SLC22A15: variants seen among roughly 807,000 people sequenced by gnomAD.
The protein encoded by SLC22A15 is flipt 1.
Under a neutral mutation model 62.7 loss-of-function variants are expected in SLC22A15, and 45 were observed. That is an observed-to-expected ratio of 0.72 (90% CI 0.56 to 0.92). The LOEUF (loss-of-function observed/expected upper bound fraction) is 0.92. Among genes scored for constraint, SLC22A15 ranks in the 40% least tolerant of loss-of-function variants. The pLI, the probability that SLC22A15 is intolerant of heterozygous loss-of-function variation, is 0.00. For missense variants in SLC22A15, 622 were observed against 665.6 expected (o/e 0.93, Z 0.72); for synonymous variants, 264 against 267.0 (o/e 0.99, Z 0.11).
At chr1:116,001,505 G>T (rs7520967) in intron 2 of SLC22A15, among the ~76,000 whole-genome samples, 34,363 of 151,864 alleles carry the variant, frequency 0.23, 4,460 homozygotes, top group East Asian at 0.48. Flanking sequence ...GATCCTGTAG[G>T]CATGCTTTAT....
At chr1:115,987,500 C>A (rs1654930877) in intron 1 of SLC22A15, among the ~76,000 whole-genome samples, 1 of 152,086 alleles carries the variant, frequency 6.6e-6, no homozygotes, top group African/African-American at 2.4e-5. Context: ...TTTAGAGGCA[C>A]CAGTTACTCC....
At chr1:116,053,404 T>C (rs1303976373) in intron 8 of SLC22A15, among the ~76,000 whole-genome samples, 1 of 152,016 alleles carries the variant, frequency 6.6e-6, no homozygotes, top group Non-Finnish European at 1.5e-5. Context: ...TGGGACTATG[T>C]GAAAAAACCA....
Position 115,976,576 on chromosome 1 carries a change from G to A in SLC22A15, c.-52G>A. The A allele has an allele frequency of 7.1e-7, 1 of 1,409,904 alleles. No individual in the cohort carries two copies. Among genetic ancestry groups the A allele is most frequent in the Admixed American group, 1.9e-5 (1 of 52,656 alleles). 87.3% of individuals were successfully genotyped at this position (1,409,904 alleles called of 1,614,324 possible). A position where few individuals can be genotyped will look rare whatever the true frequency, so the allele number is the denominator to read the frequency against. The stretch of plus-strand genomic sequence containing the variant: ...CAGGGGTTGCCGCGCTGGGCGGGAG[G>A]GCAGCGCCTGAGAGGGCGGTGGGGT... On this transcript the variant is annotated 5_prime_UTR_variant, in exon 1 of 12. Transcript: ENST00000369503.
chr1:116,007,766 TAAG>T (rs1318966278), intron 2 of SLC22A15, among the ~76,000 whole-genome samples: 1 of 152,226 alleles, frequency 6.6e-6, no homozygotes, highest in African/African-American at 2.4e-5. Context: ...ATACACCTAA[TAAG>T]CTGCTAGTCT....
At chr1:116,057,215 A>C (rs992803271) in intron 8 of SLC22A15, among the ~76,000 whole-genome samples, 36 of 152,002 alleles carry the variant, frequency 2.4e-4, no homozygotes, top group African/African-American at 8.7e-4. Flanking sequence ...TACAAGAAAA[A>C]AACAAACAAC....
rs1658121195 is a variant in SLC22A15, at chr1:116,053,675, A to G, written c.1172-9087A>G. Among the ~76,000 whole-genome samples the G allele has an allele frequency of 2.0e-5, 3 of 152,244 alleles. No homozygotes were observed. The South Asian group carries it at 6.2e-4, about 31-fold the overall frequency. On this transcript the variant is annotated intron_variant, in intron 8 of 11. Coordinates refer to ENST00000369503, the MANE Select transcript of SLC22A15 (RefSeq NM_018420.3). ...GAGAGAAAGGTTGGGTTACCCACAA[A>G]GGGAAGCCCATCAGACTAACAGCGG...
chr1:116,064,517 G>C lies in SLC22A15; in HGVS notation c.1365+9G>C, dbSNP rs755576597. On this transcript the variant is annotated intron_variant, in intron 10 of 11. Transcript: ENST00000369503. ...CCTTCATCCCCTCACTGGTTGGTTTGTACCTTCTAGTTTTGTTTTTCTTGA... is the reference window on the plus strand; with the variant it reads ...CCTTCATCCCCTCACTGGTTGGTTTCTACCTTCTAGTTTTGTTTTTCTTGA... 26 of 1,594,634 alleles carry C rather than the reference G, an allele frequency of 1.6e-5. 1 individual carries two copies. The Admixed American group carries it at 3.2e-4, about 19-fold the overall frequency.
intron 2 of SLC22A15, among the ~76,000 whole-genome samples, chr1:116,014,605 G>A (rs1243711327): frequency 1.3e-5 from 2 of 152,156 alleles, no homozygotes; most frequent in Non-Finnish European, 2.9e-5. Flanking sequence ...TCAATTTGAA[G>A]TACCTTAACA....
At chr1:116,066,750 C>A (rs1405001708) in intron 11 of SLC22A15, 42 bp downstream of exon 11, 2 of 1,523,316 alleles carry the variant, frequency 1.3e-6, no homozygotes, top group African/African-American at 1.4e-5. Context: ...TGGATAGTGG[C>A]AGTTAATGAA....
intron 10 of SLC22A15, among the ~76,000 whole-genome samples, chr1:116,066,234 C>G (rs1005949202): frequency 2.0e-5 from 3 of 152,196 alleles, no homozygotes; most frequent in Admixed American, 2.0e-4. Flanking sequence ...GCAGCCTGGC[C>G]TCTTCTCCTA....
intron 5 of SLC22A15, among the ~76,000 whole-genome samples, chr1:116,029,014 G>A (rs1454993872): frequency 6.6e-6 from 1 of 152,122 alleles, no homozygotes; most frequent in Non-Finnish European, 1.5e-5. Context: ...ATGGAGCCAT[G>A]TTCTCTCTTT....
At chr1:115,986,222 A>G (rs181856551) in intron 1 of SLC22A15, among the ~76,000 whole-genome samples, 14 of 152,050 alleles carry the variant, frequency 9.2e-5, no homozygotes, top group Non-Finnish European at 5.9e-5. Context: ...TGGTTATACC[A>G]TTATGCAAGG....
intron 8 of SLC22A15, among the ~76,000 whole-genome samples, chr1:116,050,180 T>C (rs1658014181): frequency 6.6e-6 from 1 of 152,176 alleles, no homozygotes; most frequent in East Asian, 1.9e-4. Context: ...AACAAACTGA[T>C]ACCAATCCTT....
At chr1:116,020,428 C>T (rs1449132382) in intron 3 of SLC22A15, among the ~76,000 whole-genome samples, 7 of 151,354 alleles carry the variant, frequency 4.6e-5, no homozygotes, top group Non-Finnish European at 7.4e-5. Flanking sequence ...TGGTGGCGGG[C>T]GCCTGTAGTC....
At chr1:116,058,318 A>C (rs971292580) in intron 8 of SLC22A15, among the ~76,000 whole-genome samples, 9 of 152,302 alleles carry the variant, frequency 5.9e-5, no homozygotes, top group Admixed American at 5.2e-4. Context: ...ACATGAATAG[A>C]CAATTCTCAA....
intron 2 of SLC22A15, among the ~76,000 whole-genome samples, chr1:116,017,030 C>T (rs1002866485): frequency 2.0e-5 from 3 of 152,216 alleles, no homozygotes; most frequent in African/African-American, 7.2e-5. Flanking sequence ...CAGCTCCTTA[C>T]TGTGGCCTAA....
chr1:116,058,367 C>T (rs1340812083), intron 8 of SLC22A15, among the ~76,000 whole-genome samples: 5 of 152,094 alleles, frequency 3.3e-5, no homozygotes, highest in African/African-American at 9.7e-5. Flanking sequence ...TGAAAAAATG[C>T]TCAACATCAC....
rs1275737740 is a variant in SLC22A15 at position 116,069,738 on chromosome 1, AT to A, written c.*2631del. The A allele has an allele frequency of 6.6e-6, 1 of 152,222 alleles. No individual in the cohort carries two copies. Among genetic ancestry groups the A allele is most frequent in the Non-Finnish European group, 1.5e-5 (1 of 68,030 alleles). 9.4% of individuals were successfully genotyped at this position (152,222 alleles called of 1,614,324 possible). A position where few individuals can be genotyped will look rare whatever the true frequency, so the allele number is the denominator to read the frequency against. ...ATTTAAAAATGAGCAAATAAACAAA[AT>A]GAGGCAAATAAATGAAGAAAATGAG... On this transcript the variant is annotated 3_prime_UTR_variant, in exon 12 of 12. Transcript: ENST00000369503.
At position 115,980,963 on chromosome 1, in the gene SLC22A15, G is replaced by A. The variant is rs76875751; in HGVS notation, c.87+4249G>A. Among the ~76,000 whole-genome samples the A allele has an allele frequency of 2.7e-4, 41 of 152,242 alleles. No individual in the cohort carries two copies. The East Asian group carries it at 7.7e-3, about 29-fold the overall frequency. On this transcript the variant is annotated intron_variant, in intron 1 of 11. Coordinates refer to ENST00000369503, the MANE Select transcript of SLC22A15 (RefSeq NM_018420.3). ...AATCAATATTCCTTTGATCAATTAT[G>A]GCTGTGAATTGTGGTCCTTTAAACA...
Sources: gnomAD v4.1 joint callset for allele counts (sites outside exome capture counted in the v4.1 genomes callset) on GRCh38, gnomAD v4.1.1 for gene constraint, MANE v1.5 for transcripts, NCBI Gene and HGNC (gene_info 2026-07-23, HGNC 2026-07-21) for gene names.